Variants in GRIN2B observed in about 807,000 individuals in gnomAD.
GRIN2B encodes glutamate ionotropic receptor NMDA type subunit 2B, also known as glutamate receptor ionotropic, NMDA 2B.
In GRIN2B, 5 loss-of-function variants were observed where a neutral mutation model predicts 114.5. The ratio of observed to expected loss-of-function variants is 0.04; its 90% CI spans 0.02 to 0.09. GRIN2B has a LOEUF of 0.09. Among genes scored for constraint, GRIN2B ranks in the 10% least tolerant of loss-of-function variants. GRIN2B has a pLI of 1.00. For synonymous variants in GRIN2B, 787 were observed against 745.1 expected (o/e 1.06, Z -0.92); for missense variants, 1,108 against 1,943.5 (o/e 0.57, Z 8.08).
chr12:13,638,070 C>G (rs1283058560), intron 5 of GRIN2B, among the ~76,000 whole-genome samples: 4 of 152,160 alleles, frequency 2.6e-5, no homozygotes, highest in African/African-American at 9.7e-5. Flanking sequence ...CATCTTTCTG[C>G]TGTCCCAGAT....
intron 5 of GRIN2B, among the ~76,000 whole-genome samples, chr12:13,669,981 G>T (rs1950008417): frequency 6.6e-6 from 1 of 152,030 alleles, no homozygotes; most frequent in African/African-American, 2.4e-5. Flanking sequence ...TTTATTCCAG[G>T]CTGCAGATAC....
chr12:13,698,952 G>T (rs913704976), intron 4 of GRIN2B, among the ~76,000 whole-genome samples: 27 of 152,172 alleles, frequency 1.8e-4, no homozygotes, highest in African/African-American at 6.5e-4. Flanking sequence ...CAAAGTGCTG[G>T]CATTACAGGC....
At chr12:13,771,534 T>A (rs1863908535) in intron 3 of GRIN2B, among the ~76,000 whole-genome samples, 3 of 152,334 alleles carry the variant, frequency 2.0e-5, no homozygotes, top group Middle Eastern at 6.8e-3. Context: ...CAAATCTGAA[T>A]ACTTAGCTGT....
rs532148151 is a variant in GRIN2B at position 13,680,283 on chromosome 12, G to C, written c.1011-4424C>G. ...CGTTCATGTGTGAATCCTGGGTAAA[G>C]GATTAAATTATAATTAAGAGATGCC... is the stretch of plus-strand genomic sequence containing the variant. On this transcript the variant is annotated intron_variant, in intron 4 of 13. Coordinates refer to ENST00000609686, the MANE Select transcript of GRIN2B (RefSeq NM_000834.5). Among the ~76,000 whole-genome samples the C allele has an allele frequency of 1.1e-4, 16 of 152,164 alleles. 1 individual carries two copies. In the South Asian group the frequency reaches 3.3e-3, roughly 32 times the overall value.
chr12:13,605,558 C>CTG (rs1565472545), intron 10 of GRIN2B, among the ~76,000 whole-genome samples: 15 of 143,216 alleles, frequency 1.0e-4, no homozygotes, highest in Admixed American at 2.8e-4. Flanking sequence ...CTCTGACACA[C>CTG]ACACACACAC....
chr12:13,587,026 CA>C (rs1182538328), intron 10 of GRIN2B, among the ~76,000 whole-genome samples: 1 of 152,262 alleles, frequency 6.6e-6, no homozygotes, highest in African/African-American at 2.4e-5. Context: ...ACAAAACAGA[CA>C]AATTCTTGCC....
At chr12:13,927,836 A>G (rs1303172445) in intron 2 of GRIN2B, among the ~76,000 whole-genome samples, 1 of 151,302 alleles carries the variant, frequency 6.6e-6, no homozygotes, top group Non-Finnish European at 1.5e-5. Flanking sequence ...GTGTTGTGGT[A>G]CATGCCTGTA....
In GRIN2B at chr12:13,636,691, G is replaced by A. The variant is rs571024058; in HGVS notation, c.1126-20034C>T. Among the ~76,000 whole-genome samples, 573 of 152,266 alleles carry A rather than the reference G, an allele frequency of 3.8e-3. 5 individuals are homozygous for A. The highest frequency in any genetic ancestry group is 0.013 in the African/African-American group (551 of 41,542). ...TGGGTGAATGGTGGTGACATTTACT[G>A]AGACAGATCCTGGGCAGAACAGTGA... On this transcript the variant is annotated intron_variant, in intron 5 of 13. Transcript: ENST00000609686.
rs573001154 is a variant in GRIN2B, at chr12:13,857,365, G to A, written c.411+8433C>T. ...TAAGTTCTCAGTGCCTGTGGCGCAC[G>A]CGTGCATACACACACACACACACAC... On this transcript the variant is annotated intron_variant, in intron 3 of 13. Coordinates refer to ENST00000609686, the MANE Select transcript of GRIN2B (RefSeq NM_000834.5). Among the ~76,000 whole-genome samples the A allele has an allele frequency of 1.2e-3, 170 of 145,462 alleles. 5 individuals are homozygous for A. The South Asian group carries it at 0.031, about 26-fold the overall frequency.
chr12:13,817,496 T>C (rs1223341168), intron 3 of GRIN2B, among the ~76,000 whole-genome samples: 1 of 152,072 alleles, frequency 6.6e-6, no homozygotes, highest in Non-Finnish European at 1.5e-5. Flanking sequence ...CAACTCTTTC[T>C]CCACCTGATA....
chr12:13,888,263 T>C (rs1185164137), intron 2 of GRIN2B, among the ~76,000 whole-genome samples: 1 of 152,178 alleles, frequency 6.6e-6, no homozygotes, highest in African/African-American at 2.4e-5. Context: ...CAAGTTGGTA[T>C]AGCTTACTAC....
intron 3 of GRIN2B, among the ~76,000 whole-genome samples, chr12:13,779,827 T>C (rs1331417892): frequency 6.6e-6 from 1 of 152,210 alleles, no homozygotes; most frequent in Non-Finnish European, 1.5e-5. Context: ...ATAACCTCTC[T>C]GTGCCTCAGT....
intron 2 of GRIN2B, among the ~76,000 whole-genome samples, chr12:13,977,958 C>T (rs1863056902): frequency 6.6e-6 from 1 of 152,122 alleles, no homozygotes; most frequent in Non-Finnish European, 1.5e-5. Flanking sequence ...TTAGGGACAA[C>T]TAATGATAGC....
intron 2 of GRIN2B, among the ~76,000 whole-genome samples, chr12:13,926,858 C>A (rs1285858485): frequency 1.3e-5 from 2 of 151,326 alleles, no homozygotes; most frequent in African/African-American, 4.9e-5. Context: ...GAGGCTGAGG[C>A]AGGAGAATGG....
chr12:13,942,330 G>GA (rs142065205), intron 2 of GRIN2B, among the ~76,000 whole-genome samples: 96,412 of 151,674 alleles, frequency 0.64, 31,158 homozygotes, highest in East Asian at 0.95. Context: ...CTGGGTCTGA[G>GA]AAAAAACCCT....
intron 10 of GRIN2B, among the ~76,000 whole-genome samples, chr12:13,573,619 G>T (rs550993000): frequency 1.3e-4 from 16 of 125,540 alleles, no homozygotes; most frequent in African/African-American, 4.1e-4. Flanking sequence ...CTGTGCTTTG[G>T]CATCGGAACG....
At chr12:13,804,191 G>T in intron 3 of GRIN2B, among the ~76,000 whole-genome samples, 1 of 144,446 alleles carries the variant, frequency 6.9e-6, no homozygotes, top group Middle Eastern at 3.7e-3. Context: ...ATTATTTTTA[G>T]ATAAGAAATC....
At chr12:13,584,201 G>C (rs1191904444) in intron 10 of GRIN2B, among the ~76,000 whole-genome samples, 1 of 152,142 alleles carries the variant, frequency 6.6e-6, no homozygotes, top group Non-Finnish European at 1.5e-5. Flanking sequence ...CACCAGGCAA[G>C]CTCCTACCCT....
At chr12:13,771,491 AAAG>A (rs2136646013) in intron 3 of GRIN2B, among the ~76,000 whole-genome samples, 1 of 152,380 alleles carries the variant, frequency 6.6e-6, no homozygotes, top group East Asian at 1.9e-4. Context: ...TATAAAAAAA[AAAG>A]AACTGGATTT....
Sources: gnomAD v4.1 joint callset for allele counts (sites outside exome capture counted in the v4.1 genomes callset) on GRCh38, gnomAD v4.1.1 for gene constraint, MANE v1.5 for transcripts, NCBI Gene and HGNC (gene_info 2026-07-23, HGNC 2026-07-21) for gene names.